The following BNIP1 variants were observed in gnomAD, a reference collection of about 807,000 sequenced individuals.
BNIP1 encodes the protein vesicle transport protein SEC20.
BNIP1 carries 25 observed loss-of-function variants against 28.5 expected under a neutral mutation model. The ratio of observed to expected loss-of-function variants is 0.88; its 90% CI spans 0.64 to 1.23. The LOEUF (loss-of-function observed/expected upper bound fraction) is 1.23, where lower values mean the gene tolerates loss of function less well. Ranked by LOEUF, BNIP1 falls within the 50% of genes most tolerant of loss-of-function variation. BNIP1 has a pLI of 0.00. For missense variants in BNIP1, 276 were observed against 277.0 expected (o/e 1.00, Z 0.02); for synonymous variants, 118 against 101.7 (o/e 1.16, Z -0.96).
chr5:173,155,924 G>A (rs191400038), intron 3 of BNIP1, among the ~76,000 whole-genome samples: 1 of 152,146 alleles, frequency 6.6e-6, no homozygotes, highest in African/African-American at 2.4e-5. Context: ...TCATTCCCAT[G>A]GGTTTTCTCT....
intron 2 of BNIP1, among the ~76,000 whole-genome samples, chr5:173,147,500 C>G (rs1759874565): frequency 6.6e-6 from 1 of 151,976 alleles, no homozygotes; most frequent in Non-Finnish European, 1.5e-5. Context: ...TTTTTGAAAT[C>G]CTGGGGCCAC....
At chr5:173,150,114 T>G (rs1001906835) in intron 2 of BNIP1, among the ~76,000 whole-genome samples, 4 of 152,082 alleles carry the variant, frequency 2.6e-5, no homozygotes, top group African/African-American at 9.7e-5. Context: ...AAAAATTAGC[T>G]GGGTATGGTG....
At position 173,160,936 on chromosome 5, in the gene BNIP1, C is replaced by T. The variant is rs1455765571; in HGVS notation, c.490+885C>T. 1.1e-5 allele frequency: 5 copies of T among 454,402 alleles called. 1 individual carries two copies. The highest frequency in any genetic ancestry group is 6.2e-5 in the South Asian group (4 of 64,460). 28.1% of individuals were successfully genotyped at this position (454,402 alleles called of 1,614,324 possible). A position where few individuals can be genotyped will look rare whatever the true frequency, so the allele number is the denominator to read the frequency against. ...CTCTGTGATGGAGAAGAGTATCAGC[C>T]CTCTCCAGGGTCCTTCAGTATAAGA... On this transcript the variant is annotated intron_variant, in intron 5 of 5. Coordinates refer to ENST00000351486, the MANE Select transcript of BNIP1 (RefSeq NM_001205.3).
intron 1 of BNIP1, among the ~76,000 whole-genome samples, chr5:173,146,367 T>C (rs932536851): frequency 6.6e-6 from 1 of 152,264 alleles, no homozygotes; most frequent in Non-Finnish European, 1.5e-5. Context: ...CAACAGATTC[T>C]AAATCTGCCC....
chr5:173,160,222 G>A (rs1224362081), intron 5 of BNIP1, among the ~76,000 whole-genome samples, 171 bp downstream of exon 5: 1 of 149,524 alleles, frequency 6.7e-6, no homozygotes, highest in African/African-American at 2.4e-5. Context: ...AGTGTGGGAT[G>A]TGCTGCTCCT....
intron 3 of BNIP1, among the ~76,000 whole-genome samples, chr5:173,156,678 C>T (rs1211455993): frequency 6.8e-6 from 1 of 147,882 alleles, no homozygotes; most frequent in African/African-American, 2.5e-5. Context: ...GACAGAGTCT[C>T]ACTCTGTCAC....
chr5:173,151,729 T>C lies in BNIP1; in HGVS notation c.178-2593T>C, dbSNP rs772321599. On this transcript the variant is annotated intron_variant, in intron 2 of 5. Transcript: ENST00000351486. Reference sequence around the variant, plus strand: ...TGTATGTTCTTTTTAAACATCTGGGTGCCCACCCAGTGTTTATTTCCTTCA... The same window carrying C: ...TGTATGTTCTTTTTAAACATCTGGGCGCCCACCCAGTGTTTATTTCCTTCA... 5 of 1,611,106 alleles carry C rather than the reference T, an allele frequency of 3.1e-6. No individual in the cohort carries two copies. The African/African-American group carries it at 6.7e-5, about 22-fold the overall frequency.
Position 173,154,663 on chromosome 5 carries a change from C to T in BNIP1, c.269+250C>T, listed in dbSNP as rs568736412. On this transcript the variant is annotated intron_variant, in intron 3 of 5. Coordinates refer to ENST00000351486, the MANE Select transcript of BNIP1 (RefSeq NM_001205.3). ...TCAGCCTCCTGAGTAGCTGGGATTA[C>T]AGGCGCCCACCATCACGCCTGGCTA... Among the ~76,000 whole-genome samples, 9 of 152,192 alleles carry T rather than the reference C, an allele frequency of 5.9e-5. No homozygotes were observed. In the South Asian group the frequency reaches 1.9e-3, roughly 32 times the overall value.
At chr5:173,159,870 G>T (rs2113859263) in intron 4 of BNIP1, 63 bp from the exon 5 acceptor site, 1 of 1,330,586 alleles carries the variant, frequency 7.5e-7, no homozygotes, top group Non-Finnish European at 1.1e-6. Flanking sequence ...TTTGGATGTG[G>T]GGCCTTCTTG....
intron 5 of BNIP1, chr5:173,160,675 T>G (rs1581082405): frequency 2.6e-6 from 1 of 388,298 alleles, no homozygotes; most frequent in Admixed American, 3.0e-5. Flanking sequence ...GGGCCTGGAG[T>G]CTGATTTTCA....
intron 2 of BNIP1, among the ~76,000 whole-genome samples, chr5:173,147,796 C>T (rs1759883470): frequency 6.6e-6 from 1 of 151,782 alleles, no homozygotes; most frequent in African/African-American, 2.4e-5. Flanking sequence ...AAGAGTTGTG[C>T]ACCACTGTAT....
At chr5:173,156,208 A>G (rs1346413715) in intron 3 of BNIP1, among the ~76,000 whole-genome samples, 1 of 152,204 alleles carries the variant, frequency 6.6e-6, no homozygotes, top group East Asian at 1.9e-4. Context: ...AAGCCTACTC[A>G]GATTATAAAC....
Position 173,158,806 on chromosome 5 carries a change from AAGC to A in BNIP1, c.335_337del (p.Ala112del), listed in dbSNP as rs764376980. 1.2e-6 allele frequency: 2 copies of A among 1,614,138 alleles called. No individual in the cohort carries two copies. The highest frequency in any genetic ancestry group is 1.7e-6 in the Non-Finnish European group (2 of 1,180,018). ...AAAATTGCAATCGACAATCTAGAGA[AAGC>A]AGAACTTCTTCAGGGAGGAGATCTC... On this transcript the variant is annotated inframe_deletion, in exon 4 of 6. Coordinates refer to ENST00000351486, the MANE Select transcript of BNIP1 (RefSeq NM_001205.3).
At chr5:173,158,932 G>T in intron 4 of BNIP1, 87 bp downstream of exon 4, 1 of 892,674 alleles carries the variant, frequency 1.1e-6, no homozygotes, top group Non-Finnish European at 1.6e-6. Context: ...TTTCAGCTTG[G>T]TGCTTAATTT....
At position 173,163,966 on chromosome 5, in the gene BNIP1, G is replaced by T; in HGVS notation, c.*45G>T. The T allele has an allele frequency of 2.0e-6, 3 of 1,538,206 alleles. No homozygotes were observed. The highest frequency in any genetic ancestry group is 2.6e-6 in the Non-Finnish European group (3 of 1,139,344). On this transcript the variant is annotated 3_prime_UTR_variant, in exon 6 of 6. Coordinates refer to ENST00000351486, the MANE Select transcript of BNIP1 (RefSeq NM_001205.3). ...CTGGCCCTTTCAGCTCCTGTTTCAG[G>T]ATCTGTCCTGGTTCCTGAGCTCTAG...
chr5:173,163,520 C>A (rs920955088), intron 5 of BNIP1, among the ~76,000 whole-genome samples: 3 of 152,130 alleles, frequency 2.0e-5, no homozygotes, highest in Admixed American at 6.5e-5. Context: ...CCCAGACAAA[C>A]CCCCCCTCAC....
At chr5:173,144,919 G>T in intron 1 of BNIP1, 1 of 339,100 alleles carries the variant, frequency 2.9e-6, no homozygotes. Context: ...TCCACCTGCA[G>T]CCCTGGTCGT....
chr5:173,151,438 A>G, intron 2 of BNIP1: 1 of 960,862 alleles, frequency 1.0e-6, no homozygotes, highest in South Asian at 1.8e-5. Flanking sequence ...CTCAGGCTGG[A>G]CTTGAACTCC....
chr5:173,150,827 T>A (rs1759994772), intron 2 of BNIP1, among the ~76,000 whole-genome samples: 1 of 152,110 alleles, frequency 6.6e-6, no homozygotes, highest in South Asian at 2.1e-4. Context: ...TTTTAAAAAC[T>A]TTATACTTTT....
Sources: allele counts gnomAD v4.1 joint callset (sites outside exome capture counted in the v4.1 genomes callset), GRCh38; gene constraint gnomAD v4.1.1; transcripts MANE v1.5; gene names NCBI Gene and HGNC (gene_info 2026-07-23, HGNC 2026-07-21).